The following SLC25A37 variants were observed in gnomAD, a reference collection of about 807,000 sequenced individuals.
SLC25A37 encodes the protein solute carrier family 25 member 37.
A neutral mutation model predicts 31.0 loss-of-function variants in SLC25A37; 17 were observed. The ratio of observed to expected loss-of-function variants is 0.55; its 90% CI spans 0.38 to 0.82. The LOEUF (loss-of-function observed/expected upper bound fraction) is 0.82. SLC25A37 is among the 40% of genes least tolerant of loss of function. The probability of loss-of-function intolerance (pLI) is 0.00; values close to 1 mark genes in which losing one functional copy is unlikely to be tolerated. For missense variants in SLC25A37, 404 were observed against 465.8 expected, an observed-to-expected ratio of 0.87 and a Z score of 1.22; for synonymous variants, 222 against 193.0, an observed-to-expected ratio of 1.15 and a Z score of -1.24.
intron 2 of SLC25A37, 133 bp downstream of exon 2, chr8:23,566,469 G>C (rs1802660917): frequency 6.8e-7 from 1 of 1,472,408 alleles, no homozygotes; most frequent in Non-Finnish European, 8.9e-7. Flanking sequence ...TCAGAGTTGT[G>C]TGTGCAATGC....
chr8:23,543,557 C>T (rs1801955475), intron 1 of SLC25A37, among the ~76,000 whole-genome samples: 1 of 152,126 alleles, frequency 6.6e-6, no homozygotes, highest in Non-Finnish European at 1.5e-5. Context: ...GGTAAATGCC[C>T]TACACAGGTG....
At chr8:23,561,250 A>G (rs889712082) in intron 1 of SLC25A37, among the ~76,000 whole-genome samples, 4 of 150,632 alleles carry the variant, frequency 2.7e-5, no homozygotes, top group Admixed American at 2.0e-4. Flanking sequence ...TTTTTTTTTC[A>G]TAACAGAATG....
At chr8:23,567,159 A>T (rs1198218977) in intron 2 of SLC25A37, 1 of 151,990 alleles carries the variant, frequency 6.6e-6, no homozygotes. Context: ...GACAAAATTC[A>T]TTTTTTTCAA....
At chr8:23,566,643 A>C in intron 2 of SLC25A37, 1 of 1,107,780 alleles carries the variant, frequency 9.0e-7, no homozygotes. Context: ...TTGTTTTTAA[A>C]CATTCAAAAG....
chr8:23,559,614 C>T (rs956347222), intron 1 of SLC25A37, among the ~76,000 whole-genome samples: 2 of 152,144 alleles, frequency 1.3e-5, no homozygotes, highest in African/African-American at 4.8e-5. Context: ...TCTTGCAAAA[C>T]TCAAACTCCT....
intron 1 of SLC25A37, among the ~76,000 whole-genome samples, chr8:23,564,113 G>T (rs1473785881): frequency 6.6e-6 from 1 of 152,164 alleles, no homozygotes; most frequent in Non-Finnish European, 1.5e-5. Context: ...GTGGAGGGCA[G>T]TGGTGATTGT....
At chr8:23,548,043 A>G (rs748103374) in intron 1 of SLC25A37, among the ~76,000 whole-genome samples, 31 of 152,258 alleles carry the variant, frequency 2.0e-4, no homozygotes, top group Non-Finnish European at 3.4e-4. Flanking sequence ...ATTCCAGAGG[A>G]GCATCCGTGG....
intron 1 of SLC25A37, among the ~76,000 whole-genome samples, chr8:23,550,321 C>A (rs1476626229): frequency 9.9e-6 from 1 of 101,230 alleles, no homozygotes; most frequent in Non-Finnish European, 1.7e-5. Context: ...GCGCTGGCTC[C>A]GAGATCACAG....
intron 1 of SLC25A37, among the ~76,000 whole-genome samples, chr8:23,551,330 G>C (rs1211129990): frequency 1.3e-5 from 2 of 152,198 alleles, no homozygotes; most frequent in African/African-American, 4.8e-5. Context: ...GGAGGGGTCA[G>C]AGTCCCTTAG....
intron 1 of SLC25A37, among the ~76,000 whole-genome samples, chr8:23,533,951 T>C (rs1045225978): frequency 6.6e-6 from 1 of 152,120 alleles, no homozygotes; most frequent in African/African-American, 2.4e-5. Context: ...TCTCTCTCTT[T>C]TTTTTTGTTT....
chr8:23,566,465 TTG>T, intron 2 of SLC25A37, 129 bp downstream of exon 2: 1 of 1,475,870 alleles, frequency 6.8e-7, no homozygotes, highest in South Asian at 1.4e-5. Context: ...GAACTCAGAG[TTG>T]TGTGTGCAAT....
At chr8:23,538,484 A>G (rs1801821607) in intron 1 of SLC25A37, among the ~76,000 whole-genome samples, 1 of 147,512 alleles carries the variant, frequency 6.8e-6, no homozygotes, top group Non-Finnish European at 1.5e-5. Context: ...CATGCATGTT[A>G]TGGCCACAAA....
chr8:23,532,689 C>T (rs531090543), intron 1 of SLC25A37, among the ~76,000 whole-genome samples: 3 of 152,216 alleles, frequency 2.0e-5, no homozygotes, highest in African/African-American at 7.2e-5. Context: ...AGGATGAGCC[C>T]TCCTTCCCAG....
chr8:23,532,170 T>C lies in SLC25A37; in HGVS notation c.210+2958T>C, dbSNP rs551740644. Among the ~76,000 whole-genome samples, 24 of 152,372 alleles carry C rather than the reference T, an allele frequency of 1.6e-4. No homozygotes were observed. In the South Asian group the frequency reaches 3.1e-3, roughly 20 times the overall value. On this transcript the variant is annotated intron_variant, in intron 1 of 3. Transcript: ENST00000519973. ...TTTGGAAGACCTTTGGCAACTTTCC[T>C]GCTGCTTCCTGTGTCTTCTTCTTTC... is the stretch of plus-strand genomic sequence containing the variant.
chr8:23,564,497 G>A (rs1304721592), intron 1 of SLC25A37, among the ~76,000 whole-genome samples: 1 of 142,564 alleles, frequency 7.0e-6, no homozygotes, highest in East Asian at 2.4e-4. Context: ...GTCGGGGAGG[G>A]AGGAAGGGAA....
At chr8:23,551,741 C>G (rs1802231517) in intron 1 of SLC25A37, among the ~76,000 whole-genome samples, 1 of 152,086 alleles carries the variant, frequency 6.6e-6, no homozygotes, top group Non-Finnish European at 1.5e-5. Context: ...AAGTGAGTCG[C>G]CCAAGGACAC....
chr8:23,538,403 AAAACC>A (rs1801818186), intron 1 of SLC25A37, among the ~76,000 whole-genome samples: 2 of 142,546 alleles, frequency 1.4e-5, no homozygotes, highest in Non-Finnish European at 3.1e-5. Flanking sequence ...AAAAAAAAAA[AAAACC>A]AGAAAAAAAA....
intron 1 of SLC25A37, among the ~76,000 whole-genome samples, chr8:23,547,774 A>G (rs778365422): frequency 6.6e-6 from 1 of 152,246 alleles, no homozygotes; most frequent in African/African-American, 2.4e-5. Context: ...ACATACTTGT[A>G]ACTTCCAACG....
intron 1 of SLC25A37, among the ~76,000 whole-genome samples, chr8:23,556,267 C>T (rs1802362173): frequency 6.8e-6 from 1 of 148,054 alleles, no homozygotes; most frequent in South Asian, 2.1e-4. Flanking sequence ...CTTTCTCAGG[C>T]TGAAGTGCGG....
Sources: allele counts gnomAD v4.1 joint callset (sites outside exome capture counted in the v4.1 genomes callset), GRCh38; gene constraint gnomAD v4.1.1; transcripts MANE v1.5; gene names NCBI Gene and HGNC (gene_info 2026-07-23, HGNC 2026-07-21).